LRP1B: variants seen among roughly 807,000 people sequenced by gnomAD.
LRP1B encodes low-density lipoprotein receptor-related protein 1B.
Under a neutral mutation model 556.6 loss-of-function variants are expected in LRP1B, and 217 were observed. That is an observed-to-expected ratio of 0.39 (90% CI 0.35 to 0.44). The LOEUF (loss-of-function observed/expected upper bound fraction) is 0.44. Among genes scored for constraint, LRP1B ranks in the 20% least tolerant of loss-of-function variants. The pLI is 1.00. For missense variants in LRP1B, 5,053 were observed against 5,620.8 expected (o/e 0.90, Z 3.23); for synonymous variants, 2,047 against 1,865.8 (o/e 1.10, Z -2.50).
At chr2:140,964,758 C>A (rs1696148704) in intron 18 of LRP1B, among the ~76,000 whole-genome samples, 3 of 152,008 alleles carry the variant, frequency 2.0e-5, no homozygotes, top group Admixed American at 2.0e-4. Context: ...TCTGGTATAA[C>A]AATTCTTGTT....
chr2:142,035,875 C>T (rs751234410), intron 1 of LRP1B, among the ~76,000 whole-genome samples: 1 of 151,714 alleles, frequency 6.6e-6, no homozygotes, highest in Non-Finnish European at 1.5e-5. Flanking sequence ...GTAATTGAAT[C>T]ACGGGAGCCA....
intron 74 of LRP1B, among the ~76,000 whole-genome samples, chr2:140,357,623 A>C (rs762725167): frequency 6.6e-6 from 1 of 151,674 alleles, no homozygotes; most frequent in Non-Finnish European, 1.5e-5. Flanking sequence ...GAAAAAATTA[A>C]GACCTTTACT....
At chr2:141,798,949 C>T (rs939767082) in intron 2 of LRP1B, among the ~76,000 whole-genome samples, 13 of 151,804 alleles carry the variant, frequency 8.6e-5, no homozygotes, top group African/African-American at 2.9e-4. Context: ...GACACAGATA[C>T]ACTCAGAGGG....
intron 2 of LRP1B, among the ~76,000 whole-genome samples, chr2:141,750,573 A>G (rs1694072351): frequency 1.3e-5 from 2 of 152,318 alleles, no homozygotes; most frequent in East Asian, 3.9e-4. Context: ...CCTCAAAAGA[A>G]AAAACAAAAA....
chr2:141,333,985 T>A (rs1025799637), intron 3 of LRP1B, among the ~76,000 whole-genome samples: 4 of 152,158 alleles, frequency 2.6e-5, no homozygotes, highest in Non-Finnish European at 4.4e-5. Flanking sequence ...TTATTTTATG[T>A]TTTCTTTTTT....
chr2:141,496,848 C>T (rs745903954), intron 2 of LRP1B, among the ~76,000 whole-genome samples: 1 of 151,774 alleles, frequency 6.6e-6, no homozygotes, highest in Non-Finnish European at 1.5e-5. Context: ...AGAAGAAGAA[C>T]CAGATATAAA....
In LRP1B at chr2:140,603,224, G is replaced by A. The variant is rs1038007165; in HGVS notation, c.6800-1585C>T. On this transcript the variant is annotated intron_variant, in intron 41 of 90. Coordinates refer to ENST00000389484, the MANE Select transcript of LRP1B (RefSeq NM_018557.3). Reference sequence around the variant, plus strand: ...TGAGGGTGATTAGTATGAAAATGTAGCCTAGAGATGACGGAAGAAAAATTA... The same window carrying A: ...TGAGGGTGATTAGTATGAAAATGTAACCTAGAGATGACGGAAGAAAAATTA... Among the ~76,000 whole-genome samples, 8 of 152,018 alleles carry A rather than the reference G, an allele frequency of 5.3e-5. No individual in the cohort carries two copies. The East Asian group carries it at 1.5e-3, about 29-fold the overall frequency.
chr2:140,574,292 A>C (rs1183538659), intron 43 of LRP1B, among the ~76,000 whole-genome samples: 1 of 152,156 alleles, frequency 6.6e-6, no homozygotes, highest in African/African-American at 2.4e-5. Flanking sequence ...ATGCTTGAAG[A>C]AACAACATTA....
chr2:140,847,356 G>A (rs1692303119), intron 29 of LRP1B, among the ~76,000 whole-genome samples: 1 of 152,162 alleles, frequency 6.6e-6, no homozygotes, highest in Admixed American at 6.5e-5. Flanking sequence ...ATCTTATAAA[G>A]GTTGACATAA....
At chr2:141,106,545 A>G (rs1362802712) in intron 7 of LRP1B, among the ~76,000 whole-genome samples, 1 of 152,214 alleles carries the variant, frequency 6.6e-6, no homozygotes, top group Non-Finnish European at 1.5e-5. Flanking sequence ...GTAAATAGAC[A>G]TGTCTGGAAT....
chr2:141,559,463 T>C (rs1686068864), intron 2 of LRP1B, among the ~76,000 whole-genome samples: 1 of 151,768 alleles, frequency 6.6e-6, no homozygotes, highest in African/African-American at 2.4e-5. Context: ...TTAGATTATG[T>C]CTGTTCTTGT....
intron 1 of LRP1B, among the ~76,000 whole-genome samples, chr2:141,882,836 G>A (rs191938811): frequency 6.6e-6 from 1 of 152,210 alleles, no homozygotes; most frequent in East Asian, 1.9e-4. Flanking sequence ...GCCTCTCAAA[G>A]TGCAGGGGTT....
At chr2:141,704,212 G>A (rs967831749) in intron 2 of LRP1B, among the ~76,000 whole-genome samples, 3 of 151,926 alleles carry the variant, frequency 2.0e-5, no homozygotes, top group African/African-American at 7.2e-5. Context: ...AGTACATTCA[G>A]TGTCACGATG....
At chr2:140,748,152 G>A (rs1688390475) in intron 35 of LRP1B, among the ~76,000 whole-genome samples, 2 of 130,268 alleles carry the variant, frequency 1.5e-5, no homozygotes, top group South Asian at 4.6e-4. Flanking sequence ...ATATATATGT[G>A]TGTATATATT....
intron 2 of LRP1B, among the ~76,000 whole-genome samples, chr2:141,766,484 C>G (rs764027033): frequency 9.2e-5 from 14 of 152,174 alleles, no homozygotes; most frequent in Non-Finnish European, 1.9e-4. Flanking sequence ...TTAGAAGGAT[C>G]TGAGCAGAAA....
intron 7 of LRP1B, among the ~76,000 whole-genome samples, chr2:141,110,687 G>A (rs1489955104): frequency 1.3e-5 from 2 of 151,446 alleles, no homozygotes; most frequent in African/African-American, 4.9e-5. Flanking sequence ...CTTGTTCATG[G>A]CCCTAAAACT....
intron 41 of LRP1B, among the ~76,000 whole-genome samples, chr2:140,660,348 G>A (rs979876799): frequency 6.6e-6 from 1 of 151,950 alleles, no homozygotes; most frequent in African/African-American, 2.4e-5. Flanking sequence ...GCAGAGACAA[G>A]TACTGTACTA....
intron 31 of LRP1B, among the ~76,000 whole-genome samples, chr2:140,829,681 T>G (rs1691648030): frequency 6.6e-6 from 1 of 151,768 alleles, no homozygotes; most frequent in Non-Finnish European, 1.5e-5. Flanking sequence ...TTAAAAGATT[T>G]TAAATGAACA....
In LRP1B at chr2:140,970,753, T is replaced by G. The variant is rs1446026149; in HGVS notation, c.2887+11407A>C. Among the ~76,000 whole-genome samples, 20 of 66,218 alleles carry G rather than the reference T, an allele frequency of 3.0e-4. 1 individual carries two copies. Among genetic ancestry groups the G allele is most frequent in the Non-Finnish European group, 6.1e-4 (19 of 30,954 alleles). 43.4% of individuals were successfully genotyped at this position (66,218 alleles called of 152,430 possible). A position where few individuals can be genotyped will look rare whatever the true frequency, so the allele number is the denominator to read the frequency against. ...TTTTTTTTTTTTTTTTTTTTTTTTT[T>G]TTTTTGAGAGAGGGTCTTGCTCTGT... On this transcript the variant is annotated intron_variant, in intron 18 of 90. Transcript: ENST00000389484.
Sources: allele counts gnomAD v4.1 joint callset (sites outside exome capture counted in the v4.1 genomes callset), GRCh38; gene constraint gnomAD v4.1.1; transcripts MANE v1.5; gene names NCBI Gene and HGNC (gene_info 2026-07-23, HGNC 2026-07-21).